Variants in EIF3B observed in about 807,000 individuals in gnomAD.
EIF3B encodes the protein eukaryotic translation initiation factor 3 subunit 9.
A neutral mutation model predicts 104.6 loss-of-function variants in EIF3B; 10 were observed. The ratio of observed to expected loss-of-function variants is 0.10; its 90% confidence interval spans 0.06 to 0.16. The LOEUF is 0.16. Among genes scored for constraint, EIF3B ranks in the 10% least tolerant of loss-of-function variants. The pLI is 1.00. For missense variants in EIF3B, 1,014 were observed against 1,087.9 expected (o/e 0.93, Z 0.96); for synonymous variants, 542 against 417.2 (o/e 1.30, Z -3.65).
rs763651206 is a variant in EIF3B, at chr7:2,380,371, T to A, written c.*182T>A. ...GTGCTCTCTGGCTCTGGACTGTGAC[T>A]GCGCCTGGATTCTGCCATTGCGACA... On this transcript the variant is annotated 3_prime_UTR_variant, in exon 19 of 19. Transcript: ENST00000360876. The A allele has an allele frequency of 1.9e-6, 1 of 518,902 alleles. No homozygotes were observed. Among genetic ancestry groups the A allele is most frequent in the East Asian group, 5.4e-5 (1 of 18,350 alleles). 32.1% of individuals were successfully genotyped at this position (518,902 alleles called of 1,614,324 possible).
In EIF3B at chr7:2,379,397, T is replaced by C. The variant is rs1344841746; in HGVS notation, c.2345T>C (p.Val782Ala). The change falls in exon 18 of 19, where the codon GTG (valine) becomes GCG (alanine). Residue 782 changes from valine to alanine, a missense_variant. Val to Ala is a moderately conservative substitution (Grantham distance 64). Around this residue, in one of 4 missense-constraint regions of EIF3B, gnomAD observed 266 missense variants for 324.0 expected, o/e 0.82. Transcript: ENST00000360876. ...KNERLELRGG[V>A]DTDELDSNVD... The stretch of plus-strand genomic sequence containing the variant: ...TCTGCGCCCTTTGTCCCCTCAGGGG[T>C]GGACACTGACGAGCTGGACAGCAAC... 2 of 1,585,932 alleles carry C rather than the reference T, an allele frequency of 1.3e-6. No homozygotes were observed. The highest frequency in any genetic ancestry group is 1.7e-6 in the Non-Finnish European group (2 of 1,165,400).
chr7:2,380,503 C>T lies in EIF3B; in HGVS notation c.*314C>T, dbSNP rs1275061544. 2.1e-6 allele frequency: 1 copy of T among 472,074 alleles called. No individual in the cohort carries two copies. Among genetic ancestry groups the T allele is most frequent in the Non-Finnish European group, 4.2e-6 (1 of 236,282 alleles). The allele number at this position is 472,074 out of a possible 1,614,324, so 29.2% of individuals were successfully genotyped here. On this transcript the variant is annotated 3_prime_UTR_variant, in exon 19 of 19. Transcript: ENST00000360876. ...TCTGTTGGAACCGCCGGCGTTGGCT[C>T]CGAAGACTTAGCGACGCCACTGGCG...
At chr7:2,358,645 G>C (rs777975954) in intron 1 of EIF3B, among the ~76,000 whole-genome samples, 4 of 152,078 alleles carry the variant, frequency 2.6e-5, no homozygotes, top group Non-Finnish European at 5.9e-5. Flanking sequence ...TCCTGCCCCA[G>C]CCTCTCCAGT....
In EIF3B at chr7:2,366,535, G is replaced by C; in HGVS notation, c.1300G>C (p.Asp434His). ...AHWPIFKWSH[D>H]GKFFARMTLD... Reference sequence around the variant, plus strand: ...TTTTGTTTTTCTTAGGTGGAGCCATGATGGCAAATTCTTTGCCAGAATGAC... The same window carrying C: ...TTTTGTTTTTCTTAGGTGGAGCCATCATGGCAAATTCTTTGCCAGAATGAC... Residue 434 changes from aspartate (D) to histidine (H), a missense_variant, in exon 8 of 19, where the codon GAT (aspartate) becomes CAT (histidine). By Grantham distance (81) the Asp-to-His change is moderately conservative. Coordinates refer to ENST00000360876, the MANE Select transcript of EIF3B (RefSeq NM_001037283.2). 1 of 1,614,236 alleles carries C rather than the reference G, an allele frequency of 6.2e-7. No individual in the cohort carries two copies.
Position 2,364,366 on chromosome 7 carries a change from C to A in EIF3B, c.1000-6C>A, listed in dbSNP as rs200316869. 41 of 1,579,806 alleles carry A rather than the reference C, an allele frequency of 2.6e-5. No homozygotes were observed. The African/African-American group carries it at 4.4e-4, about 17-fold the overall frequency. Reference sequence around the variant, plus strand: ...GTATTAACGTTGGCACTGCCTTTTTCTGCAGAGATGGACAGAGACGTATGT... The same window carrying A: ...GTATTAACGTTGGCACTGCCTTTTTATGCAGAGATGGACAGAGACGTATGT... On this transcript the variant is annotated splice_region_variant and splice_polypyrimidine_tract_variant and intron_variant, in intron 5 of 18. Coordinates refer to ENST00000360876, the MANE Select transcript of EIF3B (RefSeq NM_001037283.2).
chr7:2,354,740 A>AGTC (rs1185160851), upstream of EIF3B: 1 of 355,520 alleles, frequency 2.8e-6, no homozygotes, highest in Non-Finnish European at 4.1e-6. Context: ...TGTGGATGCG[A>AGTC]GTCCTCTCAG....
intron 13 of EIF3B, 125 bp downstream of exon 13, chr7:2,374,731 G>A: frequency 1.2e-6 from 1 of 813,802 alleles, no homozygotes. Context: ...GGTTGCCCCA[G>A]TGTCAGTGGA....
At chr7:2,376,832 G>A (rs1302806576) in intron 14 of EIF3B, 118 bp from the exon 15 acceptor site, 7 of 1,444,912 alleles carry the variant, frequency 4.8e-6, no homozygotes, top group Non-Finnish European at 5.6e-6. Flanking sequence ...AGCACAGGCA[G>A]AGCTTTGTTT....
At position 2,366,562 on chromosome 7, in the gene EIF3B, C is replaced by T; in HGVS notation, c.1327C>T (p.Leu443=). The T allele has an allele frequency of 6.2e-7, 1 of 1,614,186 alleles. No individual in the cohort carries two copies. The highest frequency in any genetic ancestry group is 2.2e-5 in the East Asian group (1 of 44,888). ...HDGKFFARMT[L]DTLSIYETPS... is the part of the protein sequence containing the mutation. ...TGGCAAATTCTTTGCCAGAATGACC[C>T]TGGATACGCTTAGCATCTATGAAAC... The change falls in exon 8 of 19, where the codon CTG becomes TTG. Residue 443 remains leucine (L), a synonymous_variant. Coordinates refer to ENST00000360876, the MANE Select transcript of EIF3B (RefSeq NM_001037283.2).
At chr7:2,369,865 C>T (rs560363359) in intron 10 of EIF3B, among the ~76,000 whole-genome samples, 183 bp downstream of exon 10, 8 of 141,252 alleles carry the variant, frequency 5.7e-5, no homozygotes, top group Admixed American at 4.0e-4. Flanking sequence ...CAGTCTCTGC[C>T]TCCTGGTTTC....
At chr7:2,356,677 G>A (rs1302668324) in intron 1 of EIF3B, among the ~76,000 whole-genome samples, 3 of 151,806 alleles carry the variant, frequency 2.0e-5, no homozygotes, top group Admixed American at 2.0e-4. Context: ...GTGCACACCT[G>A]TAGTCTCAGG....
chr7:2,376,165 TCAGATGTCACTG>T (rs1780620209), intron 14 of EIF3B: 1 of 153,034 alleles, frequency 6.5e-6, no homozygotes, highest in Admixed American at 6.5e-5. Flanking sequence ...CCAGGTATGT[TCAGATGTCACTG>T]CGGTGGGGCC....
At chr7:2,375,616 G>A (rs1583179528) in intron 14 of EIF3B, 89 bp downstream of exon 14, 1 of 1,574,170 alleles carries the variant, frequency 6.4e-7, no homozygotes, top group East Asian at 2.3e-5. Flanking sequence ...TGGGACCTCA[G>A]GGAAGGGGCA....
chr7:2,379,743 AG>A lies in EIF3B; in HGVS notation c.*14+235del, dbSNP rs879053196. Reference sequence around the variant, plus strand: ...GGCGCCTTTCAGGCAGTGCTGGGTGAGGGAGGAGCTGTGGCCAGGTGTTGGG... The same window carrying A: ...GGCGCCTTTCAGGCAGTGCTGGGTGAGGAGGAGCTGTGGCCAGGTGTTGGG... On this transcript the variant is annotated intron_variant, in intron 18 of 18. Coordinates refer to ENST00000360876, the MANE Select transcript of EIF3B (RefSeq NM_001037283.2). 10 of 515,016 alleles carry A rather than the reference AG, an allele frequency of 1.9e-5. No individual in the cohort carries two copies. In the South Asian group the frequency reaches 2.1e-4, roughly 11 times the overall value. 31.9% of individuals were successfully genotyped at this position (515,016 alleles called of 1,614,324 possible). A position where few individuals can be genotyped will look rare whatever the true frequency, so the allele number is the denominator to read the frequency against.
chr7:2,359,564 T>A (rs768477490), intron 1 of EIF3B, among the ~76,000 whole-genome samples: 2 of 152,122 alleles, frequency 1.3e-5, no homozygotes, highest in Non-Finnish European at 2.9e-5. Flanking sequence ...CTCTGTAACG[T>A]CCGTTATAAT....
chr7:2,375,340 A>G (rs1409763990), intron 13 of EIF3B, 49 bp from the exon 14 acceptor site: 2 of 1,606,520 alleles, frequency 1.2e-6, no homozygotes, highest in South Asian at 1.1e-5. Flanking sequence ...GTGGGATGCC[A>G]GGAGGTATGC....
chr7:2,373,795 G>A (rs955275154), intron 12 of EIF3B: 2 of 152,238 alleles, frequency 1.3e-5, no homozygotes, highest in Non-Finnish European at 2.9e-5. Flanking sequence ...CATGGACGCT[G>A]GGGCCACCGC....
chr7:2,372,182 G>C (rs535292562), intron 11 of EIF3B: 1 of 305,848 alleles, frequency 3.3e-6, no homozygotes, highest in East Asian at 6.4e-5. Context: ...CTCCAGCCTG[G>C]GTGACGGAGC....
chr7:2,365,455 G>A (rs1203124932), intron 6 of EIF3B, among the ~76,000 whole-genome samples: 1 of 152,142 alleles, frequency 6.6e-6, no homozygotes, highest in African/African-American at 2.4e-5. Context: ...CTCTGTTTTC[G>A]CCCTCATGGG....
Sources: gnomAD v4.1 joint callset for allele counts (sites outside exome capture counted in the v4.1 genomes callset) on GRCh38, gnomAD v4.1.1 for gene constraint, gnomAD v4.1.1 regional missense constraint, MANE v1.5 for transcripts, NCBI Gene and HGNC (gene_info 2026-07-23, HGNC 2026-07-21) for gene names.